Variants in BPNT1 observed in about 807,000 individuals in gnomAD.
The protein encoded by BPNT1 is 3'(2'), 5'-bisphosphate nucleotidase 1, also known as 3'(2'),5'-bisphosphate nucleotidase 1.
A neutral mutation model predicts 36.9 loss-of-function variants in BPNT1; 28 were observed. That is an observed-to-expected ratio of 0.76 (90% CI 0.56 to 1.04). The LOEUF (loss-of-function observed/expected upper bound fraction) is 1.04, where lower values mean the gene tolerates loss of function less well. BPNT1 is among the 50% of genes least tolerant of loss of function. The probability of loss-of-function intolerance (pLI) is 0.00; values close to 1 mark genes in which losing one functional copy is unlikely to be tolerated. For synonymous variants in BPNT1, 119 were observed against 130.9 expected (o/e 0.91, Z 0.62); for missense variants, 313 against 372.9 (o/e 0.84, Z 1.32).
chr1:220,062,714 G>T, intron 7 of BPNT1, 43 bp downstream of exon 7: 1 of 1,589,008 alleles, frequency 6.3e-7, no homozygotes, highest in South Asian at 1.1e-5. Context: ...GTATTTCAAT[G>T]ATTCACTTGC....
chr1:220,079,948 C>T (rs1664952731), intron 1 of BPNT1, 94 bp from the exon 2 acceptor site: 14 of 1,299,946 alleles, frequency 1.1e-5, no homozygotes, highest in Non-Finnish European at 1.4e-5. Flanking sequence ...TAATTGAGTG[C>T]TAACTTGGGA....
chr1:220,082,063 A>T (rs983206438), intron 1 of BPNT1, among the ~76,000 whole-genome samples: 3 of 110,416 alleles, frequency 2.7e-5, no homozygotes, highest in African/African-American at 3.7e-5. Context: ...TTCCAAGGAC[A>T]ATATATATAT....
At chr1:220,072,105 G>A (rs1200515245) in intron 4 of BPNT1, among the ~76,000 whole-genome samples, 2 of 150,408 alleles carry the variant, frequency 1.3e-5, no homozygotes, top group East Asian at 4.1e-4. Context: ...GCTCAAGCCT[G>A]TAATCCCAGC....
At chr1:220,077,998 G>A (rs983185857) in intron 2 of BPNT1, among the ~76,000 whole-genome samples, 1 of 151,710 alleles carries the variant, frequency 6.6e-6, no homozygotes, top group African/African-American at 2.4e-5. Context: ...GCAATATACT[G>A]AAACCCCATC....
chr1:220,088,655 T>A (rs994494482), intron 1 of BPNT1, among the ~76,000 whole-genome samples: 1 of 151,498 alleles, frequency 6.6e-6, no homozygotes, highest in Non-Finnish European at 1.5e-5. Flanking sequence ...GATGGTGTGG[T>A]GGCACATGCC....
intron 1 of BPNT1, among the ~76,000 whole-genome samples, chr1:220,084,267 G>A (rs1655505810): frequency 6.6e-6 from 1 of 151,918 alleles, no homozygotes; most frequent in African/African-American, 2.4e-5. Context: ...GGGAGGTGGA[G>A]GTTGCAGTGA....
intron 7 of BPNT1, among the ~76,000 whole-genome samples, chr1:220,062,024 T>C (rs1237107569): frequency 2.7e-5 from 4 of 150,886 alleles, no homozygotes; most frequent in Admixed American, 6.6e-5. Context: ...TTCATTAACA[T>C]TGAACTCTCT....
rs779317888 is a variant in BPNT1 at position 220,058,941 on chromosome 1, T to A, written c.830A>T (p.Lys277Met). 1 of 1,613,784 alleles carries A rather than the reference T, an allele frequency of 6.2e-7. No homozygotes were observed. Among genetic ancestry groups the A allele is most frequent in the Admixed American group, 1.7e-5 (1 of 59,990 alleles). ...CAGGACTCCTGCAGAGTTCATATGC[T>A]TCACATCCTTGTGGTACTGAAGAAC... ...GNVLQYHKDV[K>M]HMNSAGVLAT... is the part of the protein sequence containing the mutation. The change falls in exon 9 of 9, where the codon AAG (lysine) becomes ATG (methionine). Residue 277 changes from lysine to methionine, a missense_variant. Transcript: ENST00000322067.
Position 220,058,032 on chromosome 1 carries a change from C to A in BPNT1, c.*812G>T, listed in dbSNP as rs1662682238. 2 of 577,286 alleles carry A rather than the reference C, an allele frequency of 3.5e-6. No homozygotes were observed. Among genetic ancestry groups the A allele is most frequent in the South Asian group, 2.7e-5 (1 of 37,518 alleles). The allele number at this position is 577,286 out of a possible 1,614,324, so 35.8% of individuals were successfully genotyped here. ...CTCTACTAAAAATACAAAAAATTAG[C>A]CAGGCGTGGTGGCGGTGCCTGCAGT... On this transcript the variant is annotated 3_prime_UTR_variant, in exon 9 of 9. Coordinates refer to ENST00000322067, the MANE Select transcript of BPNT1 (RefSeq NM_006085.6).
chr1:220,088,068 G>T (rs1655908438), intron 1 of BPNT1, among the ~76,000 whole-genome samples: 1 of 151,834 alleles, frequency 6.6e-6, no homozygotes, highest in African/African-American at 2.4e-5. Flanking sequence ...GTAGAGACAG[G>T]GTTTCTCCAT....
chr1:220,066,910 T>TA (rs1663584392), intron 6 of BPNT1: 1 of 152,282 alleles, frequency 6.6e-6, no homozygotes, highest in African/African-American at 2.4e-5. Flanking sequence ...ATGCCCAAGC[T>TA]AATCAAGAAC....
At chr1:220,070,224 T>G (rs1466161549) in intron 4 of BPNT1, among the ~76,000 whole-genome samples, 1 of 152,238 alleles carries the variant, frequency 6.6e-6, no homozygotes, top group Admixed American at 6.5e-5. Flanking sequence ...GGAAAATTCC[T>G]TCTGTTTAGG....
intron 6 of BPNT1, among the ~76,000 whole-genome samples, chr1:220,063,986 T>C (rs116608391): frequency 1.5e-3 from 233 of 152,298 alleles, no homozygotes; most frequent in African/African-American, 5.5e-3. Flanking sequence ...ATTAATATAG[T>C]AGACATATAT....
At chr1:220,064,349 G>T (rs1365848368) in intron 6 of BPNT1, among the ~76,000 whole-genome samples, 1 of 152,140 alleles carries the variant, frequency 6.6e-6, no homozygotes, top group Non-Finnish European at 1.5e-5. Flanking sequence ...TCGCAGGTTG[G>T]GTTCCCTGGG....
chr1:220,084,226 G>A (rs1264031871), intron 1 of BPNT1, among the ~76,000 whole-genome samples: 1 of 151,940 alleles, frequency 6.6e-6, no homozygotes, highest in East Asian at 1.9e-4. Context: ...CAGCTACTCG[G>A]GAGGCTGAGG....
chr1:220,064,679 T>C (rs1663370412), intron 6 of BPNT1, among the ~76,000 whole-genome samples: 1 of 152,146 alleles, frequency 6.6e-6, no homozygotes, highest in African/African-American at 2.4e-5. Flanking sequence ...AAGAGTCTGA[T>C]GGCATATGGG....
At chr1:220,084,446 T>A (rs567103747) in intron 1 of BPNT1, among the ~76,000 whole-genome samples, 34 of 152,344 alleles carry the variant, frequency 2.2e-4, no homozygotes, top group African/African-American at 8.2e-4. Flanking sequence ...TGATTTATTA[T>A]GCACTGGAAA....
intron 2 of BPNT1, among the ~76,000 whole-genome samples, chr1:220,078,597 A>T (rs956213493): frequency 1.4e-5 from 2 of 145,244 alleles, no homozygotes; most frequent in Non-Finnish European, 3.0e-5. Context: ...TAACACACAT[A>T]TATATATATA....
chr1:220,075,334 A>AC (rs1181699121), intron 2 of BPNT1, among the ~76,000 whole-genome samples: 3 of 152,102 alleles, frequency 2.0e-5, no homozygotes, highest in Non-Finnish European at 4.4e-5. Flanking sequence ...GAGCCAGTGC[A>AC]CCCAGCCTCA....
Sources: gnomAD v4.1 joint callset for allele counts (sites outside exome capture counted in the v4.1 genomes callset) on GRCh38, gnomAD v4.1.1 for gene constraint, MANE v1.5 for transcripts, NCBI Gene and HGNC (gene_info 2026-07-23, HGNC 2026-07-21) for gene names.